Variants in SUSD5 observed in about 807,000 individuals in gnomAD.
SUSD5 encodes the protein sushi domain containing 5, also known as sushi domain-containing protein 5.
A neutral mutation model predicts 29.5 loss-of-function variants in SUSD5; 33 were observed. The ratio of observed to expected loss-of-function variants is 1.12; its 90% CI spans 0.85 to 1.49. The LOEUF (loss-of-function observed/expected upper bound fraction) is 1.49, where lower values mean the gene tolerates loss of function less well. Ranked by LOEUF, SUSD5 falls within the 40% of genes most tolerant of loss-of-function variation. The probability of loss-of-function intolerance (pLI) is 0.00; values close to 1 mark genes in which losing one functional copy is unlikely to be tolerated. For missense variants in SUSD5, 776 were observed against 800.6 expected, an observed-to-expected ratio of 0.97 and a Z score of 0.37; for synonymous variants, 308 against 325.3, an observed-to-expected ratio of 0.95 and a Z score of 0.57.
chr3:33,202,670 G>C (rs1022408677), intron 3 of SUSD5, among the ~76,000 whole-genome samples: 3 of 152,314 alleles, frequency 2.0e-5, no homozygotes, highest in African/African-American at 4.8e-5. Flanking sequence ...GCTGCCAAGA[G>C]AAGCAAAGCC....
intron 3 of SUSD5, among the ~76,000 whole-genome samples, chr3:33,177,637 G>A (rs1255318984): frequency 6.6e-6 from 1 of 152,012 alleles, no homozygotes; most frequent in Non-Finnish European, 1.5e-5. Context: ...GCCTTCCAAA[G>A]TCTTGGGATT....
intron 3 of SUSD5, among the ~76,000 whole-genome samples, chr3:33,200,850 C>T (rs4678763): frequency 0.73 from 111,183 of 152,082 alleles, 40,843 homozygotes; most frequent in East Asian, 0.83. Flanking sequence ...TTATGGAAGG[C>T]AGAACTTGCA....
At chr3:33,157,185 C>G (rs531445868) in intron 4 of SUSD5, among the ~76,000 whole-genome samples, 17 of 152,194 alleles carry the variant, frequency 1.1e-4, no homozygotes, top group Non-Finnish European at 2.4e-4. Context: ...TGACTATGTG[C>G]TAGAGTTTGG....
rs1240397347 is a variant in SUSD5 at position 33,218,692 on chromosome 3, C to T, written c.106G>A (p.Ala36Thr). ...CCGCCTCCCGCACACTCACCATCCG[C>T]CCGCACCGAAAGGCGCGGCAGACCG... ...LLGLPRLSVRADGKFFVLESQ... is the reference protein window; with the variant it reads ...LLGLPRLSVRTDGKFFVLESQ... Residue 36 changes from alanine to threonine, a missense_variant, in exon 1 of 5, where the codon GCG (alanine) becomes ACG (threonine). Ala to Thr is a moderately conservative substitution (Grantham distance 58, BLOSUM62 0). Transcript: ENST00000309558. 11 of 1,309,418 alleles carry T rather than the reference C, an allele frequency of 8.4e-6. No homozygotes were observed. The highest frequency in any genetic ancestry group is 4.2e-5 in the South Asian group (2 of 47,844). 81.1% of individuals were successfully genotyped at this position (1,309,418 alleles called of 1,614,324 possible).
chr3:33,206,412 A>AGAGT (rs1415090548), intron 3 of SUSD5, among the ~76,000 whole-genome samples: 246 of 148,674 alleles, frequency 1.7e-3, no homozygotes, highest in Middle Eastern at 6.9e-3. Context: ...AATTTACTTG[A>AGAGT]GTGTGTGTGT....
intron 2 of SUSD5, among the ~76,000 whole-genome samples, chr3:33,212,088 G>A (rs1486843713): frequency 1.3e-5 from 2 of 152,108 alleles, no homozygotes; most frequent in Non-Finnish European, 2.9e-5. Flanking sequence ...ATAGCTAGGA[G>A]GATATTGAAT....
chr3:33,174,888 T>C lies in SUSD5; in HGVS notation c.596A>G (p.Lys199Arg). 6.2e-7 allele frequency: 1 copy of C among 1,613,826 alleles called. No homozygotes were observed. The highest frequency in any genetic ancestry group is 8.5e-7 in the Non-Finnish European group (1 of 1,179,816). ...TGGCCCATCCCTGGGCTGCTTACCT[T>C]TCCCACAGGCCTGCACCAGGCCGTA... is the stretch of plus-strand genomic sequence containing the variant. ...EWYGLVQACG[K>R]DEAEAHIDYE... is the part of the protein sequence containing the mutation. Residue 199 changes from lysine to arginine, a missense_variant and splice_region_variant, in exon 4 of 5, where the codon AAA becomes AGA. Physicochemically the swap from Lys to Arg is conservative, Grantham distance 26. Transcript: ENST00000309558.
chr3:33,186,545 G>T (rs1192107214), intron 3 of SUSD5, among the ~76,000 whole-genome samples: 6 of 151,244 alleles, frequency 4.0e-5, no homozygotes, highest in African/African-American at 1.5e-4. Context: ...TCCTGCCTCA[G>T]CCTCCTGAGC....
chr3:33,169,366 GCC>G (rs1236735563), intron 4 of SUSD5, among the ~76,000 whole-genome samples: 1 of 151,976 alleles, frequency 6.6e-6, no homozygotes, highest in African/African-American at 2.4e-5. Context: ...GATTACAGGC[GCC>G]CGCCACCACG....
intron 3 of SUSD5, among the ~76,000 whole-genome samples, chr3:33,203,666 G>A (rs1484314704): frequency 6.6e-6 from 1 of 152,176 alleles, no homozygotes; most frequent in Non-Finnish European, 1.5e-5. Flanking sequence ...ATGGGCATGA[G>A]CTCAGGGAGC....
At chr3:33,179,957 T>C (rs2031635159) in intron 3 of SUSD5, among the ~76,000 whole-genome samples, 1 of 152,206 alleles carries the variant, frequency 6.6e-6, no homozygotes, top group Non-Finnish European at 1.5e-5. Context: ...TTTATGTGTT[T>C]GTGGTGATGC....
chr3:33,159,720 C>T (rs1559444355), intron 4 of SUSD5, among the ~76,000 whole-genome samples: 1 of 151,678 alleles, frequency 6.6e-6, no homozygotes, highest in Non-Finnish European at 1.5e-5. Flanking sequence ...CACACACACA[C>T]ACACAAACAC....
chr3:33,215,778 G>A (rs2032419091), intron 1 of SUSD5, among the ~76,000 whole-genome samples: 1 of 152,112 alleles, frequency 6.6e-6, no homozygotes, highest in Admixed American at 6.5e-5. Context: ...GTTCAAAGAA[G>A]AAATCCCAAC....
chr3:33,198,642 T>C (rs894179453), intron 3 of SUSD5, among the ~76,000 whole-genome samples: 1 of 152,204 alleles, frequency 6.6e-6, no homozygotes, highest in African/African-American at 2.4e-5. Flanking sequence ...CCAGCTCTTA[T>C]CCCAATCTGT....
chr3:33,218,663 C>T (rs898564447), intron 1 of SUSD5, 23 bp downstream of exon 1: 4 of 1,277,530 alleles, frequency 3.1e-6, no homozygotes, highest in African/African-American at 1.5e-5. Context: ...CACCCCCCGC[C>T]CCGCCGCCTC....
chr3:33,163,549 C>CT (rs1176508714), intron 4 of SUSD5, among the ~76,000 whole-genome samples: 2 of 152,012 alleles, frequency 1.3e-5, no homozygotes, highest in African/African-American at 4.8e-5. Context: ...TAAAATACAC[C>CT]TTTTTGTTTC....
At chr3:33,169,538 G>A (rs535866958) in intron 4 of SUSD5, among the ~76,000 whole-genome samples, 67 of 152,282 alleles carry the variant, frequency 4.4e-4, no homozygotes, top group African/African-American at 1.5e-3. Context: ...TACTTTAAAT[G>A]AGTACAGTTT....
intron 3 of SUSD5, among the ~76,000 whole-genome samples, chr3:33,198,175 C>T (rs949496999): frequency 1.3e-5 from 2 of 152,190 alleles, no homozygotes; most frequent in African/African-American, 4.8e-5. Flanking sequence ...AGATACTAAT[C>T]ATAGTCATAG....
At chr3:33,154,739 T>C (rs1374905985) in intron 4 of SUSD5, among the ~76,000 whole-genome samples, 1 of 152,048 alleles carries the variant, frequency 6.6e-6, no homozygotes, top group Non-Finnish European at 1.5e-5. Context: ...GACTTCTACA[T>C]GGAATGATAT....
Sources: gnomAD v4.1 joint callset for allele counts (sites outside exome capture counted in the v4.1 genomes callset) on GRCh38, gnomAD v4.1.1 for gene constraint, MANE v1.5 for transcripts, NCBI Gene and HGNC (gene_info 2026-07-23, HGNC 2026-07-21) for gene names.